TUSC3: variants seen among roughly 807,000 people sequenced by gnomAD.
The protein encoded by TUSC3 is tumor suppressor candidate 3.
TUSC3 carries 45 observed loss-of-function variants against 44.8 expected under a neutral mutation model. That is an observed-to-expected ratio of 1.00 (90% confidence interval 0.79 to 1.29). The LOEUF (loss-of-function observed/expected upper bound fraction) is 1.29. TUSC3 is among the 50% of genes most tolerant of loss of function. The probability of loss-of-function intolerance (pLI) is 0.00; values close to 1 mark genes in which losing one functional copy is unlikely to be tolerated. For missense variants in TUSC3, 519 were observed against 437.9 expected, an observed-to-expected ratio of 1.19 and a Z score of -1.65; for synonymous variants, 212 against 152.9, an observed-to-expected ratio of 1.39 and a Z score of -2.85.
At chr8:15,840,414 C>A in the TUSC3 span, among the ~76,000 whole-genome samples, 7 of 151,924 alleles carry the variant, frequency 4.6e-5, no homozygotes, top group Admixed American at 6.6e-5. Flanking sequence ...CACACACACA[C>A]AAAAACTCAG....
the TUSC3 span, among the ~76,000 whole-genome samples, chr8:15,810,554 C>G: frequency 6.6e-6 from 1 of 151,998 alleles, no homozygotes; most frequent in Non-Finnish European, 1.5e-5. Flanking sequence ...GGGAGGATCA[C>G]TTGAGCCCAG....
chr8:15,498,340 G>T (rs190480500), intron 2 of TUSC3, among the ~76,000 whole-genome samples: 1 of 152,312 alleles, frequency 6.6e-6, no homozygotes, highest in East Asian at 1.9e-4. Flanking sequence ...GATGTAGGAA[G>T]CAAGTGCAAA....
At chr8:15,837,287 G>C in the TUSC3 span, among the ~76,000 whole-genome samples, 2 of 151,924 alleles carry the variant, frequency 1.3e-5, no homozygotes, top group Non-Finnish European at 2.9e-5. Context: ...TATGGCATAT[G>C]TGCTTTTCCA....
chr8:15,472,844 G>C (rs1319114776), intron 1 of TUSC3, among the ~76,000 whole-genome samples: 1 of 152,178 alleles, frequency 6.6e-6, no homozygotes. Flanking sequence ...TGGACATAAA[G>C]AGAATGACTA....
intron 2 of TUSC3, among the ~76,000 whole-genome samples, chr8:15,643,913 T>G (rs1318789331): frequency 6.6e-6 from 1 of 152,172 alleles, no homozygotes; most frequent in Non-Finnish European, 1.5e-5. Context: ...ATTTTTTTAT[T>G]TGGGGTTTTA....
rs559407711 is a variant in TUSC3 at position 15,634,059 on chromosome 8, AC to A, written c.308+10811del. On this transcript the variant is annotated intron_variant, in intron 2 of 10. Transcript: ENST00000503731. The stretch of plus-strand genomic sequence containing the variant: ...CCGAGGGCTGTATACTTCCATAAAC[AC>A]TTGAAGGTCTCTTACAACCCATTCC... Among the ~76,000 whole-genome samples the A allele has an allele frequency of 5.9e-5, 9 of 152,308 alleles. No homozygotes were observed. In the East Asian group the frequency reaches 1.5e-3, roughly 26 times the overall value.
chr8:15,630,430 A>G (rs1194540220), intron 2 of TUSC3, among the ~76,000 whole-genome samples: 1 of 151,762 alleles, frequency 6.6e-6, no homozygotes, highest in Non-Finnish European at 1.5e-5. Flanking sequence ...TGGGGACGCT[A>G]TGTTAAGTCC....
chr8:15,530,975 A>G (rs1309168746), intron 2 of TUSC3, among the ~76,000 whole-genome samples: 1 of 152,084 alleles, frequency 6.6e-6, no homozygotes, highest in Non-Finnish European at 1.5e-5. Flanking sequence ...CTTCAGTATG[A>G]CCTTCTGGGG....
intron 1 of TUSC3, among the ~76,000 whole-genome samples, chr8:15,460,516 C>T (rs531586100): frequency 2.8e-4 from 43 of 152,160 alleles, no homozygotes; most frequent in Non-Finnish European, 5.0e-4. Flanking sequence ...TTCCTTTTGC[C>T]GTGCAAAACT....
rs758769041 is a variant in TUSC3 at position 15,764,278 on chromosome 8, T to G, written c.*122T>G. Reference sequence around the variant, plus strand: ...CATGAAGATAAACTGTTCCTGACTTTATACTATTTTGAATTCATTCATTTC... The same window carrying G: ...CATGAAGATAAACTGTTCCTGACTTGATACTATTTTGAATTCATTCATTTC... On this transcript the variant is annotated 3_prime_UTR_variant, in exon 11 of 11. Transcript: ENST00000503731. The G allele has an allele frequency of 2.6e-6, 4 of 1,549,072 alleles. No individual in the cohort carries two copies. The highest frequency in any genetic ancestry group is 3.6e-6 in the Non-Finnish European group (4 of 1,125,198).
intron 7 of TUSC3, among the ~76,000 whole-genome samples, chr8:15,732,495 C>T (rs1020621876): frequency 6.6e-6 from 1 of 151,988 alleles, no homozygotes; most frequent in African/African-American, 2.4e-5. Flanking sequence ...ATTACCCAAG[C>T]TCATGTATAT....
intron 6 of TUSC3, among the ~76,000 whole-genome samples, chr8:15,705,178 A>G (rs1187126486): frequency 1.3e-5 from 2 of 151,944 alleles, no homozygotes; most frequent in Non-Finnish European, 2.9e-5. Context: ...TACCAAAACA[A>G]TTATTCTAAA....
intron 1 of TUSC3, among the ~76,000 whole-genome samples, chr8:15,566,420 C>G (rs182089932): frequency 6.6e-6 from 1 of 152,058 alleles, no homozygotes; most frequent in Admixed American, 6.5e-5. Flanking sequence ...TGAACATGTG[C>G]TATTGTTACC....
At chr8:15,527,110 G>T (rs1056920916) in intron 2 of TUSC3, among the ~76,000 whole-genome samples, 4 of 152,108 alleles carry the variant, frequency 2.6e-5, no homozygotes, top group Non-Finnish European at 4.4e-5. Flanking sequence ...TTTGCATATT[G>T]GCGTGCACTG....
At position 15,551,972 on chromosome 8, in the gene TUSC3, C is replaced by T. The variant is rs577239292; in HGVS notation, c.138+11404C>T. On this transcript the variant is annotated intron_variant, in intron 1 of 10. Transcript: ENST00000503731. ...CAGGGAACTTTATACTGTGTTTTAC[C>T]GATTTCTTAGTAAAATAGAAACTTC... is the stretch of plus-strand genomic sequence containing the variant. Among the ~76,000 whole-genome samples the T allele has an allele frequency of 7.6e-4, 116 of 151,634 alleles. 1 individual carries two copies. Among genetic ancestry groups the T allele is most frequent in the Non-Finnish European group, 1.4e-3 (95 of 67,790 alleles).
chr8:15,690,125 C>T (rs1808834989), intron 6 of TUSC3, among the ~76,000 whole-genome samples: 1 of 152,128 alleles, frequency 6.6e-6, no homozygotes, highest in Non-Finnish European at 1.5e-5. Context: ...CTAATTTACA[C>T]TCCTACTGGC....
chr8:15,479,053 T>C (rs1191352995), intron 1 of TUSC3, among the ~76,000 whole-genome samples: 1 of 152,224 alleles, frequency 6.6e-6, no homozygotes, highest in African/African-American at 2.4e-5. Context: ...CTTTTGTTCA[T>C]ATGTTTGTTG....
intron 1 of TUSC3, among the ~76,000 whole-genome samples, chr8:15,450,671 A>G (rs984593038): frequency 6.6e-6 from 1 of 152,210 alleles, no homozygotes; most frequent in Admixed American, 6.5e-5. Flanking sequence ...CTCGGTCTCA[A>G]AAATAAATAA....
Position 15,651,008 on chromosome 8 carries a change from C to G in TUSC3, c.426+194C>G, listed in dbSNP as rs977857733. 1.7e-3 allele frequency: 950 copies of G among 564,674 alleles called. 8 individuals carry two copies. The highest frequency in any genetic ancestry group is 0.016 in the African/African-American group (819 of 52,820). The allele number at this position is 564,674 out of a possible 1,614,324, so 35.0% of individuals were successfully genotyped here. Reference sequence around the variant, plus strand: ...TTACACACACACACACACACACACACACACACACACACACAAATACAATTC... The same window carrying G: ...TTACACACACACACACACACACACAGACACACACACACACAAATACAATTC... On this transcript the variant is annotated intron_variant, in intron 3 of 10. Coordinates refer to ENST00000503731, the MANE Select transcript of TUSC3 (RefSeq NM_006765.4).
Sources: gnomAD v4.1 joint callset for allele counts (sites outside exome capture counted in the v4.1 genomes callset) on GRCh38, gnomAD v4.1.1 for gene constraint, MANE v1.5 for transcripts, NCBI Gene and HGNC (gene_info 2026-07-23, HGNC 2026-07-21) for gene names.